CFAP54: variants seen among roughly 807,000 people sequenced by gnomAD.
CFAP54 encodes cilia and flagella associated protein 54, also known as cilia- and flagella-associated protein 54.
A neutral mutation model predicts 370.4 loss-of-function variants in CFAP54; 290 were observed. The ratio of observed to expected loss-of-function variants is 0.78; its 90% CI spans 0.71 to 0.86. The LOEUF is 0.86. Among genes scored for constraint, CFAP54 ranks in the 40% least tolerant of loss-of-function variants. The pLI is 0.00. For synonymous variants in CFAP54, 1,206 were observed against 1,236.5 expected (o/e 0.98, Z 0.52); for missense variants, 3,399 against 3,528.7 (o/e 0.96, Z 0.93).
intron 40 of CFAP54, chr12:96,682,054 T>C (rs1592706315): frequency 1.6e-6 from 1 of 618,448 alleles, no homozygotes; most frequent in South Asian, 7.1e-5. Flanking sequence ...CCTTTCTTTT[T>C]GCTTTCCATT....
intron 35 of CFAP54, 137 bp downstream of exon 35, chr12:96,650,209 G>A: frequency 1.3e-6 from 1 of 745,790 alleles, no homozygotes; most frequent in Non-Finnish European, 2.1e-6. Flanking sequence ...CTTGCTGGGT[G>A]TATCCTAAGT....
chr12:96,657,370 C>T (rs957856060), intron 36 of CFAP54, among the ~76,000 whole-genome samples: 2 of 152,092 alleles, frequency 1.3e-5, no homozygotes, highest in African/African-American at 2.4e-5. Context: ...TATAAATTAA[C>T]GAATGTAACC....
intron 34 of CFAP54, among the ~76,000 whole-genome samples, chr12:96,649,392 G>C (rs751941325): frequency 6.6e-6 from 1 of 152,052 alleles, no homozygotes; most frequent in Admixed American, 6.6e-5. Flanking sequence ...TTGCTACCGA[G>C]ACTTACTATC....
chr12:96,793,281 T>C (rs1358470130), intron 63 of CFAP54, among the ~76,000 whole-genome samples: 1 of 152,202 alleles, frequency 6.6e-6, no homozygotes, highest in Admixed American at 6.5e-5. Flanking sequence ...AGTGAGAACA[T>C]ATGATGTTTG....
intron 65 of CFAP54, among the ~76,000 whole-genome samples, chr12:96,827,901 A>T (rs1239601823): frequency 8.7e-6 from 1 of 114,300 alleles, no homozygotes; most frequent in Non-Finnish European, 1.7e-5. Context: ...ATATAATTAT[A>T]TATAATACAT....
intron 26 of CFAP54, among the ~76,000 whole-genome samples, chr12:96,615,619 A>T (rs1194150177): frequency 6.6e-6 from 1 of 152,270 alleles, no homozygotes; most frequent in South Asian, 2.1e-4. Context: ...TCCATCTGAC[A>T]AAGGGCTAAT....
At chr12:96,546,121 A>G (rs1220514595) in intron 14 of CFAP54, among the ~76,000 whole-genome samples, 1 of 152,228 alleles carries the variant, frequency 6.6e-6, no homozygotes, top group Non-Finnish European at 1.5e-5. Context: ...GCTTATGGTC[A>G]GCATTGGAAG....
At chr12:96,761,623 A>T (rs1369410716) in intron 58 of CFAP54, among the ~76,000 whole-genome samples, 2 of 152,092 alleles carry the variant, frequency 1.3e-5, no homozygotes, top group African/African-American at 2.4e-5. Flanking sequence ...TAACTTTTAC[A>T]TTTAAGTCTG....
chr12:96,851,577 G>A lies in CFAP54; in HGVS notation c.9172-9242G>A, dbSNP rs1295357691. ...ACCCAAGCGTTTTTAGAAATGATTA[G>A]AACTAAGAGAATCTGATAAAGTGGC... is the stretch of plus-strand genomic sequence containing the variant. On this transcript the variant is annotated intron_variant, in intron 66 of 67. Transcript: ENST00000524981. Among the ~76,000 whole-genome samples, 5 of 151,830 alleles carry A rather than the reference G, an allele frequency of 3.3e-5. No homozygotes were observed. In the East Asian group the frequency reaches 9.6e-4, roughly 29 times the overall value.
At chr12:96,825,856 A>T (rs1959094538) in intron 65 of CFAP54, among the ~76,000 whole-genome samples, 1 of 136,330 alleles carries the variant, frequency 7.3e-6, no homozygotes, top group East Asian at 2.1e-4. Flanking sequence ...ATAATATATA[A>T]ATTAATATAT....
chr12:96,743,606 G>C (rs1958077050), intron 53 of CFAP54, 47 bp downstream of exon 53: 1 of 1,609,372 alleles, frequency 6.2e-7, no homozygotes, highest in African/African-American at 1.3e-5. Context: ...AGGGATTCCA[G>C]TTAGAACAAA....
chr12:96,605,144 A>G (rs1956287530), intron 26 of CFAP54, among the ~76,000 whole-genome samples: 1 of 152,078 alleles, frequency 6.6e-6, no homozygotes, highest in Admixed American at 6.5e-5. Flanking sequence ...TAAGCATTAT[A>G]TATGGTCACA....
intron 66 of CFAP54, among the ~76,000 whole-genome samples, chr12:96,831,035 A>T (rs1307575275): frequency 6.6e-6 from 1 of 152,176 alleles, no homozygotes; most frequent in Non-Finnish European, 1.5e-5. Flanking sequence ...AGTGGAAAAT[A>T]GTATATCATT....
chr12:96,553,385 T>G (rs969272660), intron 15 of CFAP54, among the ~76,000 whole-genome samples: 8 of 151,738 alleles, frequency 5.3e-5, no homozygotes, highest in Middle Eastern at 6.8e-3. Flanking sequence ...TAGTAAAAGT[T>G]TAAAAACATG....
chr12:96,718,698 C>A (rs1179156702), intron 49 of CFAP54, among the ~76,000 whole-genome samples, 176 bp downstream of exon 49: 1 of 152,160 alleles, frequency 6.6e-6, no homozygotes, highest in Non-Finnish European at 1.5e-5. Context: ...AAGTAGATGT[C>A]CAGTGGTGTC....
intron 17 of CFAP54, 117 bp downstream of exon 17, chr12:96,554,919 A>G (rs979356512): frequency 1.4e-5 from 14 of 986,360 alleles, no homozygotes; most frequent in Middle Eastern, 2.5e-4. Flanking sequence ...GATAAATTTC[A>G]TTTTTTTCTA....
intron 17 of CFAP54, among the ~76,000 whole-genome samples, chr12:96,555,649 A>T (rs1955744080): frequency 3.3e-5 from 5 of 150,896 alleles, no homozygotes; most frequent in Admixed American, 2.6e-4. Context: ...CATCATTTTT[A>T]TATCAAAAAA....
chr12:96,503,227 TC>T (rs570610061), intron 2 of CFAP54, among the ~76,000 whole-genome samples: 141 of 133,982 alleles, frequency 1.1e-3, no homozygotes, highest in Non-Finnish European at 1.7e-3. Context: ...TCCTTTTTTT[TC>T]CTTCCTTTCT....
rs150810230 is a variant in CFAP54, at chr12:96,755,610, T to C, written c.7841-848T>C. ...AGGTCTTCAAATAACAGGATTTCTTTCTATTTTAAATAGTATTCCGTTGTG... is the reference window on the plus strand; with the variant it reads ...AGGTCTTCAAATAACAGGATTTCTTCCTATTTTAAATAGTATTCCGTTGTG... On this transcript the variant is annotated intron_variant, in intron 56 of 67. Transcript: ENST00000524981. Among the ~76,000 whole-genome samples, 4 of 152,226 alleles carry C rather than the reference T, an allele frequency of 2.6e-5. No individual in the cohort carries two copies. In the East Asian group the frequency reaches 7.7e-4, roughly 29 times the overall value.
Sources: allele counts gnomAD v4.1 joint callset (sites outside exome capture counted in the v4.1 genomes callset), GRCh38; gene constraint gnomAD v4.1.1; transcripts MANE v1.5; gene names NCBI Gene and HGNC (gene_info 2026-07-23, HGNC 2026-07-21).